The following FOXN1 variants were observed in gnomAD, a reference collection of about 807,000 sequenced individuals.
FOXN1 encodes the protein forkhead box N1.
FOXN1 carries 15 observed loss-of-function variants against 49.0 expected under a neutral mutation model. That is an observed-to-expected ratio of 0.31 (90% confidence interval 0.20 to 0.47). FOXN1 has a LOEUF of 0.47. Among genes scored for constraint, FOXN1 ranks in the 20% least tolerant of loss-of-function variants. The pLI is 1.00. For missense variants in FOXN1, 800 were observed against 842.8 expected (o/e 0.95, Z 0.63); for synonymous variants, 356 against 369.0 (o/e 0.96, Z 0.40).
intron 6 of FOXN1, among the ~76,000 whole-genome samples, chr17:28,533,945 G>C (rs935015734): frequency 6.6e-6 from 1 of 152,144 alleles, no homozygotes; most frequent in Non-Finnish European, 1.5e-5. Flanking sequence ...CTTCCACAGA[G>C]GGGTCCAAGC....
chr17:28,532,117 GA>G, intron 6 of FOXN1, among the ~76,000 whole-genome samples: 1 of 152,232 alleles, frequency 6.6e-6, no homozygotes, highest in African/African-American at 2.4e-5. Flanking sequence ...CAGAGAGAGG[GA>G]AAAGCCCAGT....
Position 28,527,286 on chromosome 17 carries a change from G to T in FOXN1, c.624G>T (p.Glu208Asp), listed in dbSNP as rs2069793053. Residue 208 changes from glutamate to aspartate, a missense_variant, in exon 4 of 9, where the codon GAG becomes GAT. Glu to Asp is a conservative substitution (Grantham distance 45). Around this residue, in one of 3 missense-constraint regions of FOXN1, gnomAD observed 383 missense variants for 357.9 expected, o/e 1.07. Coordinates refer to ENST00000579795, the MANE Select transcript of FOXN1 (RefSeq NM_001369369.1). ...SEVKVKPPVL[E>D]SGAGMFCYQP... The stretch of plus-strand genomic sequence containing the variant: ...TCAAAGTCAAGCCCCCAGTTCTGGA[G>T]AGTGGTGCTGGGATGTTCTGCTACC... The T allele has an allele frequency of 6.2e-7, 1 of 1,614,034 alleles. No individual in the cohort carries two copies. Among genetic ancestry groups the T allele is most frequent in the South Asian group, 1.1e-5 (1 of 91,080 alleles).
chr17:28,529,805 C>T lies in FOXN1; in HGVS notation c.830+581C>T, dbSNP rs578247709. 3.9e-5 allele frequency among the ~76,000 whole-genome samples: 6 copies of T among 152,194 alleles called. No homozygotes were observed. In the South Asian group the frequency reaches 1.2e-3, roughly 32 times the overall value. Reference sequence around the variant, plus strand: ...GCCCTACATGGGATCGGGTCATCAGCTAGTGTGAGCTGAGGGGAAGGGAGA... The same window carrying T: ...GCCCTACATGGGATCGGGTCATCAGTTAGTGTGAGCTGAGGGGAAGGGAGA... On this transcript the variant is annotated intron_variant, in intron 5 of 8. Transcript: ENST00000579795.
chr17:28,508,712 G>C (rs9303615), intron 1 of FOXN1, among the ~76,000 whole-genome samples: 37,475 of 151,916 alleles, frequency 0.25, 5,775 homozygotes, highest in African/African-American at 0.42. Context: ...CTCTCGCTGC[G>C]CCTCTTATTC....
At chr17:28,536,964 C>G (rs2070081432) in intron 8 of FOXN1, among the ~76,000 whole-genome samples, 153 bp from the exon 9 acceptor site, 1 of 152,128 alleles carries the variant, frequency 6.6e-6, no homozygotes, top group Non-Finnish European at 1.5e-5. Context: ...TCAGCAACTG[C>G]CTGGGGTCAC....
intron 1 of FOXN1, among the ~76,000 whole-genome samples, chr17:28,511,467 C>G (rs2069395226): frequency 6.6e-6 from 1 of 152,112 alleles, no homozygotes; most frequent in Non-Finnish European, 1.5e-5. Flanking sequence ...GACCATCCCC[C>G]TGGGGCACAC....
intron 3 of FOXN1, among the ~76,000 whole-genome samples, chr17:28,526,825 A>G (rs2069780520): frequency 6.6e-6 from 1 of 152,162 alleles, no homozygotes; most frequent in African/African-American, 2.4e-5. Flanking sequence ...CTCACCATGG[A>G]TCCTCAGGGA....
Position 28,529,439 on chromosome 17 carries a change from G to A in FOXN1, c.830+215G>A, listed in dbSNP as rs2069853154. 2.0e-5 allele frequency among the ~76,000 whole-genome samples: 3 copies of A among 152,196 alleles called. No individual in the cohort carries two copies. The South Asian group carries it at 6.2e-4, about 31-fold the overall frequency. On this transcript the variant is annotated intron_variant, in intron 5 of 8. Coordinates refer to ENST00000579795, the MANE Select transcript of FOXN1 (RefSeq NM_001369369.1). The stretch of plus-strand genomic sequence containing the variant: ...CCTTTGTCTAAGCCTGGGGAGTCAT[G>A]TCTGTGACTTGACTCAGCAGATGCT...
At chr17:28,530,993 C>A in intron 6 of FOXN1, 148 bp downstream of exon 6, 1 of 666,806 alleles carries the variant, frequency 1.5e-6, no homozygotes, top group Non-Finnish European at 2.7e-6. Flanking sequence ...CCGTTGTCTC[C>A]ACCTCAGAAG....
Position 28,534,555 on chromosome 17 carries a change from C to A in FOXN1, c.1135+17C>A. ...CCAAGCCAGGTGAGGCCGGCCGGGC[C>A]ACGCAAGGAAGGGCCCAGGGTACTC... On this transcript the variant is annotated intron_variant, in intron 7 of 8. Coordinates refer to ENST00000579795, the MANE Select transcript of FOXN1 (RefSeq NM_001369369.1). This position sits in a 1 kb window ranked among gnomAD's most constrained non-coding sequence, Gnocchi z 4.1. 1.9e-6 allele frequency: 3 copies of A among 1,610,654 alleles called. No individual in the cohort carries two copies. In the African/African-American group the frequency reaches 4.0e-5, roughly 22 times the overall value.
chr17:28,514,642 C>A (rs866225152), intron 1 of FOXN1, among the ~76,000 whole-genome samples: 2 of 152,076 alleles, frequency 1.3e-5, no homozygotes, highest in East Asian at 1.9e-4. Flanking sequence ...AGCACCCGGC[C>A]GGCCGAGCCC....
chr17:28,529,323 G>A, intron 5 of FOXN1, 99 bp downstream of exon 5: 2 of 1,457,910 alleles, frequency 1.4e-6, no homozygotes, highest in Non-Finnish European at 1.9e-6. Flanking sequence ...AGTAATGGCA[G>A]CAGGTGGAAA....
chr17:28,526,847 C>CTGTG (rs1040690358), intron 3 of FOXN1, among the ~76,000 whole-genome samples: 2 of 152,216 alleles, frequency 1.3e-5, no homozygotes, highest in Non-Finnish European at 2.9e-5. Context: ...AGTTCTGGAG[C>CTGTG]TGTGACCTTT....
At chr17:28,511,946 C>T (rs1026967358) in intron 1 of FOXN1, among the ~76,000 whole-genome samples, 5 of 152,170 alleles carry the variant, frequency 3.3e-5, no homozygotes, top group Admixed American at 1.3e-4. Context: ...TGCCACAGCC[C>T]AACAACTCCA....
chr17:28,508,036 T>A (rs1381856260), intron 1 of FOXN1, among the ~76,000 whole-genome samples: 3 of 150,710 alleles, frequency 2.0e-5, no homozygotes, highest in African/African-American at 2.4e-5. Context: ...CCGCCCGCGC[T>A]GCCTGTGCGA....
chr17:28,523,648 G>A (rs545744441), intron 1 of FOXN1, among the ~76,000 whole-genome samples: 79 of 152,292 alleles, frequency 5.2e-4, no homozygotes, highest in South Asian at 5.0e-3. Flanking sequence ...CTGGTCAGTC[G>A]GTCAGTCTCT....
intron 1 of FOXN1, among the ~76,000 whole-genome samples, chr17:28,507,791 C>T (rs185068234): frequency 2.6e-5 from 4 of 152,344 alleles, no homozygotes; most frequent in Admixed American, 2.0e-4. Context: ...GACCACAAGA[C>T]ACAGGCAGTA....
intron 1 of FOXN1, among the ~76,000 whole-genome samples, chr17:28,515,708 C>T (rs1477877235): frequency 6.6e-6 from 1 of 151,460 alleles, no homozygotes; most frequent in East Asian, 2.0e-4. Context: ...CACAGGTGTA[C>T]ACTCCTCAAC....
intron 1 of FOXN1, among the ~76,000 whole-genome samples, chr17:28,510,359 C>A (rs2069363167): frequency 1.3e-5 from 2 of 151,848 alleles, no homozygotes; most frequent in South Asian, 4.2e-4. Context: ...TACATATATA[C>A]ATACAGAGAG....
Sources: gnomAD v4.1 joint callset for allele counts (sites outside exome capture counted in the v4.1 genomes callset) on GRCh38, gnomAD v4.1.1 for gene constraint, gnomAD v4.1.1 regional missense constraint, Gnocchi (gnomAD v3.1) non-coding constraint, MANE v1.5 for transcripts, NCBI Gene and HGNC (gene_info 2026-07-23, HGNC 2026-07-21) for gene names.